The following ARHGAP18 variants were observed in gnomAD, a reference collection of about 807,000 sequenced individuals.
The protein encoded by ARHGAP18 is rho GTPase-activating protein 18.
Under a neutral mutation model 86.2 loss-of-function variants are expected in ARHGAP18, and 67 were observed. The ratio of observed to expected loss-of-function variants is 0.78; its 90% CI spans 0.64 to 0.95. ARHGAP18 has a LOEUF of 0.95. ARHGAP18 is among the 40% of genes least tolerant of loss of function. The probability of loss-of-function intolerance (pLI) is 0.00; values close to 1 mark genes in which losing one functional copy is unlikely to be tolerated. For missense variants in ARHGAP18, 691 were observed against 780.4 expected (o/e 0.89, Z 1.37); for synonymous variants, 283 against 280.4 (o/e 1.01, Z -0.09).
At chr6:129,616,076 G>T (rs563396013) in intron 7 of ARHGAP18, 136 bp downstream of exon 7, 1 of 610,196 alleles carries the variant, frequency 1.6e-6, no homozygotes, top group Non-Finnish European at 2.6e-6. Context: ...AAACCAATTT[G>T]CTTCCTGAAT....
chr6:129,706,082 T>G (rs1584125657), intron 1 of ARHGAP18, among the ~76,000 whole-genome samples: 3 of 152,188 alleles, frequency 2.0e-5, no homozygotes, highest in South Asian at 4.2e-4. Flanking sequence ...GCTAAGGAAT[T>G]AAAAGGCCCA....
At chr6:129,656,844 T>A (rs545109167) in intron 1 of ARHGAP18, among the ~76,000 whole-genome samples, 1 of 152,302 alleles carries the variant, frequency 6.6e-6, no homozygotes, top group Admixed American at 6.5e-5. Context: ...AAGTAATCAG[T>A]GTCCTCTTTA....
At position 129,608,064 on chromosome 6, in the gene ARHGAP18, GAAAAAAA is replaced by G. The variant is rs577070164; in HGVS notation, c.1123-19_1123-13del. 1.2e-3 allele frequency: 1,171 copies of G among 982,818 alleles called. No individual in the cohort carries two copies. Among genetic ancestry groups the G allele is most frequent in the East Asian group, 4.5e-3 (96 of 21,542 alleles). The allele number at this position is 982,818 out of a possible 1,614,324, so 60.9% of individuals were successfully genotyped here. A position where few individuals can be genotyped will look rare whatever the true frequency, so the allele number is the denominator to read the frequency against. On this transcript the variant is annotated splice_polypyrimidine_tract_variant and intron_variant, in intron 8 of 14. Transcript: ENST00000368149. The stretch of plus-strand genomic sequence containing the variant: ...TCTTGGCAAAGATTCTGATAGGCAC[GAAAAAAA>G]AAAAAAAAAAAAAAAGAAGCAGCTA...
intron 12 of ARHGAP18, among the ~76,000 whole-genome samples, chr6:129,592,065 A>C (rs900423957): frequency 6.6e-6 from 1 of 152,210 alleles, no homozygotes; most frequent in African/African-American, 2.4e-5. Flanking sequence ...TCCATAGTTA[A>C]TAAGAATTTA....
chr6:129,607,357 G>A (rs1022793954), intron 9 of ARHGAP18, among the ~76,000 whole-genome samples: 10 of 152,112 alleles, frequency 6.6e-5, no homozygotes, highest in African/African-American at 1.7e-4. Context: ...TGCCCAAGAC[G>A]ACAAAATGGC....
At position 129,607,981 on chromosome 6, in the gene ARHGAP18, A is replaced by G. The variant is rs764232980; in HGVS notation, c.1194T>C (p.Asp398=). 1.2e-6 allele frequency: 2 copies of G among 1,610,750 alleles called. No individual in the cohort carries two copies. The highest frequency in any genetic ancestry group is 4.5e-5 in the East Asian group (2 of 44,812). ...TGAAGAGCTTCAGCAGGCTGGCGGCATCATGCTGTTTGACACTTTCCCAAT... is the reference window on the plus strand; with the variant it reads ...TGAAGAGCTTCAGCAGGCTGGCGGCGTCATGCTGTTTGACACTTTCCCAAT... ...TFNWESVKQH[D]AASLLKLFIR... The change falls in exon 9 of 15, where the codon GAT becomes GAC. Residue 398 remains aspartate (D), a synonymous_variant. Transcript: ENST00000368149.
chr6:129,607,004 T>G (rs1178913768), intron 9 of ARHGAP18, among the ~76,000 whole-genome samples: 2 of 151,800 alleles, frequency 1.3e-5, no homozygotes, highest in African/African-American at 4.8e-5. Context: ...GGATCACAGG[T>G]GCGCACCACT....
Position 129,608,052 on chromosome 6 carries a change from T to A in ARHGAP18, c.1123A>T (p.Asn375Tyr), listed in dbSNP as rs764976832. ...TTTGCTTCTAGTTCTTGGCAAAGAT[T>A]CTGATAGGCACGAAAAAAAAAAAAA... ...RIPGAAIRIK[N>Y]LCQELEAKFY... Residue 375 changes from asparagine (N) to tyrosine (Y), a missense_variant and splice_region_variant, in exon 9 of 15, where the codon AAT becomes TAT. Physicochemically the swap from Asn to Tyr is moderately radical, Grantham distance 143. Transcript: ENST00000368149. 7 of 1,505,228 alleles carry A rather than the reference T, an allele frequency of 4.7e-6. No individual in the cohort carries two copies. In the East Asian group the frequency reaches 1.6e-4, roughly 35 times the overall value. The allele number at this position is 1,505,228 out of a possible 1,614,324, so 93.2% of individuals were successfully genotyped here.
chr6:129,584,613 C>G (rs1788355410), intron 12 of ARHGAP18, among the ~76,000 whole-genome samples: 1 of 152,126 alleles, frequency 6.6e-6, no homozygotes, highest in Non-Finnish European at 1.5e-5. Flanking sequence ...TGAGCTCATG[C>G]TTTTTGGCTA....
intron 1 of ARHGAP18, among the ~76,000 whole-genome samples, chr6:129,689,615 T>C (rs1774490261): frequency 6.6e-6 from 1 of 152,158 alleles, no homozygotes; most frequent in Admixed American, 6.5e-5. Context: ...CAGGCATACA[T>C]TGCTGTGAAT....
At chr6:129,595,369 C>T (rs1584030450) in intron 12 of ARHGAP18, among the ~76,000 whole-genome samples, 1 of 152,120 alleles carries the variant, frequency 6.6e-6, no homozygotes, top group South Asian at 2.1e-4. Context: ...CACCTCTGTT[C>T]TTTTGGATTA....
At chr6:129,595,636 C>T (rs978758321) in intron 12 of ARHGAP18, among the ~76,000 whole-genome samples, 1 of 152,148 alleles carries the variant, frequency 6.6e-6, no homozygotes, top group Non-Finnish European at 1.5e-5. Context: ...TTCAGCAGTT[C>T]CCTGTCATGC....
At chr6:129,636,189 G>T (rs536139754) in intron 3 of ARHGAP18, among the ~76,000 whole-genome samples, 1 of 152,122 alleles carries the variant, frequency 6.6e-6, no homozygotes, top group African/African-American at 2.4e-5. Context: ...TGGGTGGTAA[G>T]CAAGTGCTTA....
Position 129,599,274 on chromosome 6 carries a change from A to C in ARHGAP18, c.1655T>G (p.Leu552Arg), listed in dbSNP as rs1201254956. The C allele has an allele frequency of 1.3e-6, 2 of 1,597,320 alleles. No individual in the cohort carries two copies. The highest frequency in any genetic ancestry group is 1.7e-6 in the Non-Finnish European group (2 of 1,174,116). Residue 552 changes from leucine to arginine, a missense_variant, in exon 12 of 15, where the codon CTG (leucine) becomes CGG (arginine). Physicochemically the swap from Leu to Arg is moderately radical, Grantham distance 102. Coordinates refer to ENST00000368149, the MANE Select transcript of ARHGAP18 (RefSeq NM_033515.3). The part of the protein sequence containing the change: ...KKDKRAMKKL[L>R]KKMAYDREKY... ...TTCTCGGTCATAAGCCATTTTCTTC[A>C]GCAATTTCTTCATGGCTCTTTTATC...
chr6:129,613,490 A>G lies in ARHGAP18; in HGVS notation c.1045-1880T>C, dbSNP rs74647880. Among the ~76,000 whole-genome samples, 14 of 152,354 alleles carry G rather than the reference A, an allele frequency of 9.2e-5. No homozygotes were observed. In the East Asian group the frequency reaches 2.7e-3, roughly 29 times the overall value. Reference sequence around the variant, plus strand: ...TTAACAAAAAGTACAATTGTATGCTAGCTGCTGGAGCAAATTAGTTTTCAG... The same window carrying G: ...TTAACAAAAAGTACAATTGTATGCTGGCTGCTGGAGCAAATTAGTTTTCAG... On this transcript the variant is annotated intron_variant, in intron 7 of 14. Transcript: ENST00000368149.
chr6:129,709,202 G>A (rs1774856997), intron 1 of ARHGAP18, among the ~76,000 whole-genome samples: 1 of 151,996 alleles, frequency 6.6e-6, no homozygotes, highest in African/African-American at 2.4e-5. Flanking sequence ...TTTGCTTCTT[G>A]CAATCTTCTA....
chr6:129,642,037 C>T lies in ARHGAP18; in HGVS notation c.114-19G>A. ...TCTGCGACTGTAAATTCAAAAGAAC[C>T]CATGGTTTATTTTAGTACAAAAGGA... On this transcript the variant is annotated intron_variant, in intron 1 of 14. Transcript: ENST00000368149. 3 of 1,609,222 alleles carry T rather than the reference C, an allele frequency of 1.9e-6. No individual in the cohort carries two copies. Among genetic ancestry groups the T allele is most frequent in the Non-Finnish European group, 2.5e-6 (3 of 1,176,724 alleles).
At chr6:129,600,114 C>T (rs1788708097) in intron 11 of ARHGAP18, among the ~76,000 whole-genome samples, 1 of 152,046 alleles carries the variant, frequency 6.6e-6, no homozygotes, top group Non-Finnish European at 1.5e-5. Context: ...TATAATTTTG[C>T]TTGGAATTCC....
intron 1 of ARHGAP18, among the ~76,000 whole-genome samples, chr6:129,649,914 G>GTTTT (rs374087104): frequency 2.3e-5 from 3 of 129,164 alleles, no homozygotes; most frequent in South Asian, 2.5e-4. Flanking sequence ...CTTTTTTTTT[G>GTTTT]TTTTTTTTTT....
Sources: allele counts gnomAD v4.1 joint callset (sites outside exome capture counted in the v4.1 genomes callset), GRCh38; gene constraint gnomAD v4.1.1; transcripts MANE v1.5; gene names NCBI Gene and HGNC (gene_info 2026-07-23, HGNC 2026-07-21).